CSMD1: variants seen among roughly 807,000 people sequenced by gnomAD.
CSMD1 encodes CUB and Sushi multiple domains 1, also known as CUB and sushi domain-containing protein 1.
A neutral mutation model predicts 417.5 loss-of-function variants in CSMD1; 213 were observed. That is an observed-to-expected ratio of 0.51 (90% CI 0.46 to 0.57). CSMD1 has a LOEUF of 0.57. Among genes scored for constraint, CSMD1 ranks in the 20% least tolerant of loss-of-function variants. CSMD1 has a pLI of 0.00. For synonymous variants in CSMD1, 2,862 were observed against 1,736.8 expected, an observed-to-expected ratio of 1.65 and a Z score of -16.11; for missense variants, 6,923 against 4,529.7, an observed-to-expected ratio of 1.53 and a Z score of -15.17.
intron 6 of CSMD1, among the ~76,000 whole-genome samples, chr8:3,719,505 C>T (rs919872681): frequency 6.6e-6 from 1 of 152,154 alleles, no homozygotes; most frequent in Non-Finnish European, 1.5e-5. Context: ...TTTCCCTGGA[C>T]CATTCATTAC....
At chr8:4,305,188 C>G (rs886824091) in intron 3 of CSMD1, among the ~76,000 whole-genome samples, 1 of 152,188 alleles carries the variant, frequency 6.6e-6, no homozygotes, top group African/African-American at 2.4e-5. Flanking sequence ...CATCAAGTAA[C>G]TTCACAAACA....
chr8:3,874,739 G>A (rs1805700790), intron 5 of CSMD1, among the ~76,000 whole-genome samples: 1 of 152,154 alleles, frequency 6.6e-6, no homozygotes, highest in Non-Finnish European at 1.5e-5. Flanking sequence ...TGGCAATGGA[G>A]GTGAGAACAT....
intron 69 of CSMD1, among the ~76,000 whole-genome samples, chr8:2,939,588 G>A (rs1270460384): frequency 6.6e-6 from 1 of 152,082 alleles, no homozygotes; most frequent in East Asian, 1.9e-4. Context: ...AATGTGCCAC[G>A]TGGCAAAACC....
rs185793508 is a variant in CSMD1, at chr8:4,942,043, T to A, written c.85+52289A>T. On this transcript the variant is annotated intron_variant, in intron 1 of 69. Transcript: ENST00000635120. ...CAAAATTACCCTGGGTAAATGGGAT[T>A]GTCTGGCTCTTCTACTTTAAGAATC... is the stretch of plus-strand genomic sequence containing the variant. Among the ~76,000 whole-genome samples the A allele has an allele frequency of 5.8e-4, 88 of 152,328 alleles. 1 individual carries two copies. The highest frequency in any genetic ancestry group is 2.8e-4 in the Non-Finnish European group (19 of 68,032).
At chr8:4,871,315 G>A (rs376735832) in intron 1 of CSMD1, among the ~76,000 whole-genome samples, 2 of 152,144 alleles carry the variant, frequency 1.3e-5, no homozygotes, top group South Asian at 2.1e-4. Flanking sequence ...CTTCTTTCAC[G>A]GATTTAGATT....
chr8:3,257,803 C>G (rs563464840), intron 26 of CSMD1, among the ~76,000 whole-genome samples: 3 of 151,762 alleles, frequency 2.0e-5, no homozygotes, highest in South Asian at 2.1e-4. Flanking sequence ...TGAGGGCGAT[C>G]GGTGGGTGGG....
intron 5 of CSMD1, among the ~76,000 whole-genome samples, chr8:3,937,804 A>C (rs1156464564): frequency 1.3e-5 from 2 of 152,166 alleles, no homozygotes; most frequent in African/African-American, 4.8e-5. Context: ...ATGTTACTTC[A>C]ATTACTGCTT....
intron 25 of CSMD1, among the ~76,000 whole-genome samples, chr8:3,303,091 C>T (rs1022193755): frequency 1.3e-5 from 2 of 152,108 alleles, no homozygotes; most frequent in African/African-American, 4.8e-5. Flanking sequence ...TTTGTATTGT[C>T]TATGAAAACT....
chr8:3,002,216 T>C (rs1018325323), intron 52 of CSMD1, among the ~76,000 whole-genome samples: 1 of 152,204 alleles, frequency 6.6e-6, no homozygotes. Context: ...GTTCTCCATA[T>C]TGTGAAGAGA....
intron 1 of CSMD1, among the ~76,000 whole-genome samples, chr8:4,976,494 T>C (rs888237314): frequency 1.5e-4 from 23 of 152,204 alleles, no homozygotes; most frequent in African/African-American, 5.5e-4. Context: ...TAATATTACG[T>C]TGTTTTTTAT....
chr8:2,985,757 G>A (rs974896154), intron 54 of CSMD1, among the ~76,000 whole-genome samples: 13 of 152,142 alleles, frequency 8.5e-5, no homozygotes, highest in Admixed American at 2.0e-4. Flanking sequence ...TTAAGAAGTT[G>A]CTTTGTCTTA....
In CSMD1 at chr8:4,229,224, C is replaced by G. The variant is rs181648322; in HGVS notation, c.415+190729G>C. On this transcript the variant is annotated intron_variant, in intron 3 of 69. Transcript: ENST00000635120. ...GTCAAATACCAAATCAGCACATTGGCCAATTTGGCTAGTCCTACTCAAAAG... is the reference window on the plus strand; with the variant it reads ...GTCAAATACCAAATCAGCACATTGGGCAATTTGGCTAGTCCTACTCAAAAG... Among the ~76,000 whole-genome samples the G allele has an allele frequency of 6.6e-4, 100 of 152,266 alleles. No homozygotes were observed. The East Asian group carries it at 0.019, about 29-fold the overall frequency.
At position 3,483,242 on chromosome 8, in the gene CSMD1, G is replaced by A. The variant is rs906899889; in HGVS notation, c.1448+10381C>T. 3.9e-5 allele frequency among the ~76,000 whole-genome samples: 6 copies of A among 152,006 alleles called. No individual in the cohort carries two copies. In the South Asian group the frequency reaches 1.0e-3, roughly 26 times the overall value. On this transcript the variant is annotated intron_variant, in intron 11 of 69. Coordinates refer to ENST00000635120, the MANE Select transcript of CSMD1 (RefSeq NM_033225.6). Reference sequence around the variant, plus strand: ...GAACACTTGCAGAAAGTCAGAAAAAGAGAAAGGGAGAGAGAGATAGAAGGG... The same window carrying A: ...GAACACTTGCAGAAAGTCAGAAAAAAAGAAAGGGAGAGAGAGATAGAAGGG...
intron 45 of CSMD1, 141 bp from the exon 46 acceptor site, chr8:3,106,782 C>A (rs1224726358): frequency 3.8e-6 from 2 of 520,382 alleles, no homozygotes; most frequent in Non-Finnish European, 7.0e-6. Context: ...TATTTTTAGT[C>A]TTTTAAAAAT....
At chr8:3,476,180 C>T (rs1030020508) in intron 11 of CSMD1, among the ~76,000 whole-genome samples, 20 of 152,102 alleles carry the variant, frequency 1.3e-4, no homozygotes, top group African/African-American at 4.6e-4. Context: ...TTGGCTCAAC[C>T]AAAATACAAA....
intron 5 of CSMD1, among the ~76,000 whole-genome samples, chr8:3,800,781 T>A (rs73658277): frequency 0.025 from 3,878 of 152,228 alleles, 59 homozygotes; most frequent in South Asian, 0.064. Context: ...TCCCTCCTCA[T>A]GTTTGGCTGT....
chr8:4,680,973 T>TGAGAGAGAGAGA (rs34049081), intron 1 of CSMD1, among the ~76,000 whole-genome samples: 4 of 138,622 alleles, frequency 2.9e-5, no homozygotes, highest in Middle Eastern at 3.6e-3. Context: ...TGTGTGTGTG[T>TGAGAGAGAGAGA]GTGAGAGAGA....
chr8:4,219,939 T>C (rs2128807664), intron 3 of CSMD1, among the ~76,000 whole-genome samples: 1 of 152,254 alleles, frequency 6.6e-6, no homozygotes, highest in African/African-American at 2.4e-5. Flanking sequence ...CAAGATAATT[T>C]TTTAAAAATT....
At chr8:4,423,326 G>T (rs552908489) in intron 2 of CSMD1, among the ~76,000 whole-genome samples, 1 of 152,048 alleles carries the variant, frequency 6.6e-6, no homozygotes, top group Non-Finnish European at 1.5e-5. Flanking sequence ...GAATCTACAA[G>T]AAAATTTGTA....
Sources: gnomAD v4.1 joint callset for allele counts (sites outside exome capture counted in the v4.1 genomes callset) on GRCh38, gnomAD v4.1.1 for gene constraint, MANE v1.5 for transcripts, NCBI Gene and HGNC (gene_info 2026-07-23, HGNC 2026-07-21) for gene names.